Variants in ELP2 observed in about 807,000 individuals in gnomAD.
ELP2 encodes the protein elongator acetyltransferase complex subunit 2.
ELP2 carries 90 observed loss-of-function variants against 119.2 expected under a neutral mutation model. The observed-to-expected ratio is 0.75, with a 90% CI of 0.64 to 0.90. ELP2 has a LOEUF of 0.90. Ranked by LOEUF, ELP2 falls within the 40% of genes least tolerant of loss-of-function variation. The pLI is 0.00. For synonymous variants in ELP2, 339 were observed against 331.0 expected, an observed-to-expected ratio of 1.02 and a Z score of -0.26; for missense variants, 921 against 967.8, an observed-to-expected ratio of 0.95 and a Z score of 0.64.
intron 8 of ELP2, among the ~76,000 whole-genome samples, chr18:36,144,179 A>ATGATATAAC (rs1271423208): frequency 5.3e-5 from 8 of 152,218 alleles, no homozygotes; most frequent in African/African-American, 1.9e-4. Flanking sequence ...GAACGAAAAA[A>ATGATATAAC]TGATATAACC....
Position 36,171,232 on chromosome 18 carries a change from C to T in ELP2, c.2324+72C>T, listed in dbSNP as rs1383284875. The T allele has an allele frequency of 2.9e-6, 3 of 1,033,014 alleles. No homozygotes were observed. In the Admixed American group the frequency reaches 5.6e-5, roughly 19 times the overall value. 64.0% of individuals were successfully genotyped at this position (1,033,014 alleles called of 1,614,324 possible). On this transcript the variant is annotated intron_variant, in intron 21 of 21. Transcript: ENST00000358232. ...GGGGTCTTTCATGGCAAATTTTATG[C>T]CACATTTTCATGGAGAGGGACATAT... is the stretch of plus-strand genomic sequence containing the variant.
chr18:36,149,476 TTGTTTTGTTTTG>T (rs1281361497), intron 11 of ELP2, among the ~76,000 whole-genome samples: 1 of 101,292 alleles, frequency 9.9e-6, no homozygotes, highest in African/African-American at 3.4e-5. Flanking sequence ...GCAGGGTTTT[TTGTTTTGTTTTG>T]TTTTTTTTTT....
intron 19 of ELP2, among the ~76,000 whole-genome samples, chr18:36,169,311 G>A (rs1319501448): frequency 6.6e-6 from 1 of 151,940 alleles, no homozygotes; most frequent in Admixed American, 6.6e-5. Flanking sequence ...TATCATCTAG[G>A]TCAGGTTTTC....
At chr18:36,149,483 G>T (rs72888727) in intron 11 of ELP2, among the ~76,000 whole-genome samples, 18,414 of 102,776 alleles carry the variant, frequency 0.18, 2,606 homozygotes, top group East Asian at 0.4. Context: ...TTTTTGTTTT[G>T]TTTTGTTTTT....
Position 36,171,131 on chromosome 18 carries a change from C to A in ELP2, c.2295C>A (p.Asp765Glu). 1 of 1,613,486 alleles carries A rather than the reference C, an allele frequency of 6.2e-7. No individual in the cohort carries two copies. The change falls in exon 21 of 22, where the codon GAC (aspartate) becomes GAA (glutamate). Residue 765 changes from aspartate (D) to glutamate (E), a missense_variant. Asp to Glu is a conservative substitution (Grantham distance 45). Coordinates refer to ENST00000358232, the MANE Select transcript of ELP2 (RefSeq NM_018255.4). Reference protein sequence around the residue: ...KKTDQVPEINDWTHCVETSQS... With the variant: ...KKTDQVPEINEWTHCVETSQS... ...CTGATCAAGTTCCAGAAATAAATGA[C>A]TGGACCCACTGTGTAGAAACAAGTC... is the stretch of plus-strand genomic sequence containing the variant.
intron 11 of ELP2, among the ~76,000 whole-genome samples, 174 bp from the exon 12 acceptor site, chr18:36,154,676 G>A (rs992248869): frequency 1.4e-4 from 21 of 152,214 alleles, no homozygotes; most frequent in African/African-American, 4.8e-4. Context: ...GAATGCTTAA[G>A]CTCTTACATG....
chr18:36,156,493 C>G lies in ELP2; in HGVS notation c.1303C>G (p.Gln435Glu). ...QVTWHEIARPQIHGYDLKCLA... is the reference protein window; with the variant it reads ...QVTWHEIARPEIHGYDLKCLA... The stretch of plus-strand genomic sequence containing the variant: ...GACTTGGCATGAAATTGCAAGGCCT[C>G]AGATACATGGGTATGACCTGAAATG... The change falls in exon 13 of 22, where the codon CAG (glutamine) becomes GAG (glutamate). Residue 435 changes from glutamine to glutamate, a missense_variant. Coordinates refer to ENST00000358232, the MANE Select transcript of ELP2 (RefSeq NM_018255.4). 6.2e-7 allele frequency: 1 copy of G among 1,614,078 alleles called. No homozygotes were observed. Among genetic ancestry groups the G allele is most frequent in the Non-Finnish European group, 8.5e-7 (1 of 1,179,988 alleles).
At chr18:36,164,275 T>C (rs1405409605) in intron 17 of ELP2, among the ~76,000 whole-genome samples, 200 bp from the exon 18 acceptor site, 1 of 152,156 alleles carries the variant, frequency 6.6e-6, no homozygotes, top group Non-Finnish European at 1.5e-5. Flanking sequence ...TCCCTGATGA[T>C]TGATTTTTTT....
chr18:36,170,224 A>C (rs2091037783), intron 20 of ELP2, 28 bp downstream of exon 20: 1 of 1,613,990 alleles, frequency 6.2e-7, no homozygotes, highest in African/African-American at 1.3e-5. Flanking sequence ...GCTTAGTTTT[A>C]AGAGGACCAC....
chr18:36,159,775 A>G lies in ELP2; in HGVS notation c.1575A>G (p.Leu525=), dbSNP rs775967935. The G allele has an allele frequency of 3.1e-6, 5 of 1,614,068 alleles. No homozygotes were observed. Among genetic ancestry groups the G allele is most frequent in the Non-Finnish European group, 4.2e-6 (5 of 1,179,960 alleles). ...AGCCTTCTGATGAAGAGGAGCTGTT[A>G]ACTAGTACTGGTTTTGAGTATCAGC... ...ASQPSDEEEL[L]TSTGFEYQQV... is the part of the protein sequence containing the mutation. Residue 525 remains leucine (L), a synonymous_variant, in exon 15 of 22, where the codon TTA becomes TTG. Transcript: ENST00000358232.
At chr18:36,168,074 C>T (rs1193540948) in intron 19 of ELP2, among the ~76,000 whole-genome samples, 1 of 152,180 alleles carries the variant, frequency 6.6e-6, no homozygotes, top group African/African-American at 2.4e-5. Context: ...TTTAAAATAT[C>T]CTTTTGTTCC....
intron 11 of ELP2, among the ~76,000 whole-genome samples, chr18:36,150,179 G>A (rs2090352417): frequency 6.6e-6 from 1 of 152,178 alleles, no homozygotes; most frequent in South Asian, 2.1e-4. Context: ...GCCATCAGCA[G>A]TCTCTGTTGC....
Position 36,145,705 on chromosome 18 carries a change from T to C in ELP2, c.893-243T>C, listed in dbSNP as rs79280486. ...ACCGTGTTTTGGAGCTGTATCCACATTGATTTGTGAAGCTCTAGTTATTTG... is the reference window on the plus strand; with the variant it reads ...ACCGTGTTTTGGAGCTGTATCCACACTGATTTGTGAAGCTCTAGTTATTTG... On this transcript the variant is annotated intron_variant, in intron 9 of 21. Coordinates refer to ENST00000358232, the MANE Select transcript of ELP2 (RefSeq NM_018255.4). Among the ~76,000 whole-genome samples, 154 of 152,374 alleles carry C rather than the reference T, an allele frequency of 1.0e-3. 4 individuals carry two copies. The highest frequency in any genetic ancestry group is 3.6e-3 in the African/African-American group (150 of 41,588).
chr18:36,134,816 G>C (rs1196528877), intron 2 of ELP2, among the ~76,000 whole-genome samples: 1 of 152,042 alleles, frequency 6.6e-6, no homozygotes, highest in Non-Finnish European at 1.5e-5. Flanking sequence ...TATTTCTTTA[G>C]TTATCTTAAA....
At chr18:36,148,749 G>A (rs1164844728) in intron 11 of ELP2, among the ~76,000 whole-genome samples, 2 of 152,148 alleles carry the variant, frequency 1.3e-5, no homozygotes, top group Non-Finnish European at 1.5e-5. Flanking sequence ...CGTTGCAGGC[G>A]CCTGTGGTCG....
intron 5 of ELP2, chr18:36,139,599 C>G (rs1248639830): frequency 6.5e-7 from 1 of 1,534,052 alleles, no homozygotes; most frequent in African/African-American, 1.4e-5. Flanking sequence ...TTTCTTCCAT[C>G]TGCATTCAGG....
At chr18:36,145,788 C>A (rs1208902994) in intron 9 of ELP2, among the ~76,000 whole-genome samples, 160 bp from the exon 10 acceptor site, 1 of 152,212 alleles carries the variant, frequency 6.6e-6, no homozygotes, top group Non-Finnish European at 1.5e-5. Context: ...TTTATCTCTT[C>A]TTCTAATGGT....
At chr18:36,145,342 C>T in intron 9 of ELP2, 1 of 362,416 alleles carries the variant, frequency 2.8e-6, no homozygotes. Flanking sequence ...ACTTTCAAGC[C>T]AACTTCACTG....
chr18:36,136,655 A>C, intron 3 of ELP2: 1 of 369,962 alleles, frequency 2.7e-6, no homozygotes, highest in Non-Finnish European at 4.9e-6. Context: ...TTTTTTCTTC[A>C]ACTATGTTGT....
Sources: gnomAD v4.1 joint callset for allele counts (sites outside exome capture counted in the v4.1 genomes callset) on GRCh38, gnomAD v4.1.1 for gene constraint, MANE v1.5 for transcripts, NCBI Gene and HGNC (gene_info 2026-07-23, HGNC 2026-07-21) for gene names.